PCGF6: variants seen among roughly 807,000 people sequenced by gnomAD.
PCGF6 encodes polycomb group RING finger protein 6.
In PCGF6, 24 loss-of-function variants were observed where a neutral mutation model predicts 45.5. The ratio of observed to expected loss-of-function variants is 0.53; its 90% confidence interval spans 0.38 to 0.74. The LOEUF (loss-of-function observed/expected upper bound fraction) is 0.74, where lower values mean the gene tolerates loss of function less well. Among genes scored for constraint, PCGF6 ranks in the 30% least tolerant of loss-of-function variants. The pLI is 0.00. For synonymous variants in PCGF6, 152 were observed against 162.1 expected (o/e 0.94, Z 0.47); for missense variants, 356 against 443.2 (o/e 0.80, Z 1.77).
intron 1 of PCGF6, among the ~76,000 whole-genome samples, chr10:103,350,018 G>C (rs1182621333): frequency 6.6e-6 from 1 of 151,872 alleles, no homozygotes; most frequent in Non-Finnish European, 1.5e-5. Context: ...GGGAGGCGGA[G>C]GTTGCAGTGA....
chr10:103,334,739 G>GA (rs530862134), intron 6 of PCGF6, among the ~76,000 whole-genome samples: 180 of 152,286 alleles, frequency 1.2e-3, no homozygotes, highest in African/African-American at 4.3e-3. Context: ...AGCCATGAGG[G>GA]AGACAAGGGT....
intron 6 of PCGF6, 54 bp from the exon 7 acceptor site, chr10:103,334,006 AATC>A: frequency 3.3e-6 from 4 of 1,200,976 alleles, no homozygotes; most frequent in Non-Finnish European, 4.6e-6. Flanking sequence ...CTATATGTTT[AATC>A]ATAAAACAAC....
At chr10:103,309,268 G>A (rs1316820080) in intron 9 of PCGF6, among the ~76,000 whole-genome samples, 1 of 152,036 alleles carries the variant, frequency 6.6e-6, no homozygotes, top group African/African-American at 2.4e-5. Context: ...ATGTTGAATT[G>A]TAATCCCCAA....
intron 8 of PCGF6, among the ~76,000 whole-genome samples, chr10:103,324,693 G>T (rs2093210340): frequency 6.7e-6 from 1 of 149,016 alleles, no homozygotes; most frequent in Admixed American, 6.7e-5. Context: ...CCGGGAGGCG[G>T]AGGTTGCAGT....
intron 8 of PCGF6, among the ~76,000 whole-genome samples, chr10:103,325,139 TAATAAATA>T (rs1449146332): frequency 8.9e-6 from 1 of 112,946 alleles, no homozygotes; most frequent in Non-Finnish European, 1.7e-5. Flanking sequence ...AGTCTCAAAA[TAATAAATA>T]AAATAAAATA....
rs549644565 is a variant in PCGF6, at chr10:103,347,707, T to TGA, written c.558-259_558-258dup. On this transcript the variant is annotated intron_variant, in intron 3 of 9. Transcript: ENST00000369847. ...GTGCATTGTTTTTTGTGTGTGTGTGTGACAAGGTCTCACTTTTGTCACCCA... is the reference window on the plus strand; with the variant it reads ...GTGCATTGTTTTTTGTGTGTGTGTGTGAGACAAGGTCTCACTTTTGTCACCCA... 8.5e-5 allele frequency among the ~76,000 whole-genome samples: 13 copies of TGA among 152,278 alleles called. No homozygotes were observed. In the East Asian group the frequency reaches 1.3e-3, roughly 16 times the overall value.
At chr10:103,325,434 T>C (rs4420190) in intron 8 of PCGF6, among the ~76,000 whole-genome samples, 27,366 of 151,892 alleles carry the variant, frequency 0.18, 3,086 homozygotes, top group South Asian at 0.28. Flanking sequence ...TTGTATTTTT[T>C]AGTAGAGATA....
intron 9 of PCGF6, among the ~76,000 whole-genome samples, chr10:103,308,299 C>T (rs968686638): frequency 6.6e-6 from 1 of 152,158 alleles, no homozygotes; most frequent in African/African-American, 2.4e-5. Context: ...GGGGGCCAAA[C>T]CCTGCAAGGT....
rs2093124891 is a variant in PCGF6 at position 103,303,074 on chromosome 10, AACTG to A, written c.*827_*830del. ...GAAATAATGAGAAAAATAAACATTA[AACTG>A]ACTTACTAAGAAAACAATGAATAAG... On this transcript the variant is annotated 3_prime_UTR_variant, in exon 10 of 10. Coordinates refer to ENST00000369847, the MANE Select transcript of PCGF6 (RefSeq NM_001011663.2). 6.6e-6 allele frequency: 1 copy of A among 152,652 alleles called. No individual in the cohort carries two copies. The highest frequency in any genetic ancestry group is 1.5e-5 in the Non-Finnish European group (1 of 68,044). The allele number at this position is 152,652 out of a possible 1,614,324, so 9.5% of individuals were successfully genotyped here. A position where few individuals can be genotyped will look rare whatever the true frequency, so the allele number is the denominator to read the frequency against.
chr10:103,309,198 G>GT (rs1001425171), intron 9 of PCGF6, among the ~76,000 whole-genome samples: 12 of 150,488 alleles, frequency 8.0e-5, no homozygotes, highest in Non-Finnish European at 1.5e-4. Context: ...AGATTTGGTG[G>GT]GGGGGGGGCA....
Position 103,334,282 on chromosome 10 carries a change from T to C in PCGF6, c.783-330A>G, listed in dbSNP as rs560724623. On this transcript the variant is annotated intron_variant, in intron 6 of 9. Transcript: ENST00000369847. ...AATAGACAAATTAAAATTGTGTATA[T>C]CTATAGGTTTTGATACGTATATACT... Among the ~76,000 whole-genome samples the C allele has an allele frequency of 4.6e-5, 7 of 152,214 alleles. No individual in the cohort carries two copies. In the South Asian group the frequency reaches 1.5e-3, roughly 32 times the overall value.
chr10:103,306,644 A>T (rs2093139275), intron 9 of PCGF6, among the ~76,000 whole-genome samples: 1 of 152,194 alleles, frequency 6.6e-6, no homozygotes, highest in Admixed American at 6.6e-5. Flanking sequence ...GTTCCTGGCA[A>T]TTACAGTAAA....
rs139523191 is a variant in PCGF6, at chr10:103,310,443, G to C, written c.996+3743C>G. ...GTTTGAGTTAAACAAATAGGTATTTGTTGAAACTCATGCATTTCATTATAT... is the reference window on the plus strand; with the variant it reads ...GTTTGAGTTAAACAAATAGGTATTTCTTGAAACTCATGCATTTCATTATAT... On this transcript the variant is annotated intron_variant, in intron 9 of 9. Transcript: ENST00000369847. Among the ~76,000 whole-genome samples the C allele has an allele frequency of 3.6e-3, 547 of 152,132 alleles. 4 individuals carry two copies. The highest frequency in any genetic ancestry group is 0.013 in the African/African-American group (529 of 41,524).
chr10:103,306,288 G>T (rs961932066), intron 9 of PCGF6, among the ~76,000 whole-genome samples: 9 of 152,050 alleles, frequency 5.9e-5, no homozygotes, highest in Admixed American at 1.3e-4. Flanking sequence ...AGTAGAGATG[G>T]GGTTTCTCCA....
chr10:103,327,047 G>A (rs1006849131), intron 7 of PCGF6, among the ~76,000 whole-genome samples: 1 of 152,212 alleles, frequency 6.6e-6, no homozygotes, highest in Admixed American at 6.5e-5. Flanking sequence ...AGCACTTTGG[G>A]AGGCAGAGGC....
At chr10:103,316,009 T>TAGAGAG (rs1398812514) in intron 8 of PCGF6, among the ~76,000 whole-genome samples, 22 of 127,384 alleles carry the variant, frequency 1.7e-4, no homozygotes, top group Non-Finnish European at 3.1e-4. Context: ...TATATATATA[T>TAGAGAG]ATATAGAGAG....
At chr10:103,332,196 G>A (rs796334813) in intron 7 of PCGF6, among the ~76,000 whole-genome samples, 6 of 152,248 alleles carry the variant, frequency 3.9e-5, no homozygotes, top group Admixed American at 1.3e-4. Flanking sequence ...AGGTGATATT[G>A]CTACCATGTT....
intron 8 of PCGF6, among the ~76,000 whole-genome samples, chr10:103,316,013 T>TATATAGAGAGAG (rs1311416309): frequency 1.7e-5 from 2 of 119,502 alleles, no homozygotes; most frequent in African/African-American, 6.5e-5. Context: ...TATATATATA[T>TATATAGAGAGAG]AGAGAGAGAG....
intron 6 of PCGF6, among the ~76,000 whole-genome samples, chr10:103,343,205 G>A (rs1289210810): frequency 1.3e-5 from 2 of 152,032 alleles, no homozygotes; most frequent in Non-Finnish European, 2.9e-5. Context: ...TGGGATTATA[G>A]GCGTGAGCCA....
Sources: allele counts gnomAD v4.1 joint callset (sites outside exome capture counted in the v4.1 genomes callset), GRCh38; gene constraint gnomAD v4.1.1; transcripts MANE v1.5; gene names NCBI Gene and HGNC (gene_info 2026-07-23, HGNC 2026-07-21).